Variants in WDR70 observed in about 807,000 individuals in gnomAD.
The protein encoded by WDR70 is WD repeat domain 70.
In WDR70, 53 loss-of-function variants were observed where a neutral mutation model predicts 88.6. That is an observed-to-expected ratio of 0.60 (90% CI 0.48 to 0.75). The LOEUF is 0.75. Ranked by LOEUF, WDR70 falls within the 30% of genes least tolerant of loss-of-function variation. The pLI is 0.00. For synonymous variants in WDR70, 280 were observed against 270.0 expected (o/e 1.04, Z -0.36); for missense variants, 610 against 823.2 (o/e 0.74, Z 3.17).
chr5:37,450,838 T>C (rs1232052902), intron 7 of WDR70, among the ~76,000 whole-genome samples: 4 of 152,130 alleles, frequency 2.6e-5, no homozygotes, highest in African/African-American at 9.7e-5. Flanking sequence ...TGTATATATT[T>C]ATGTGTGTGT....
chr5:37,431,536 T>C (rs1220689726), intron 5 of WDR70, among the ~76,000 whole-genome samples: 1 of 152,216 alleles, frequency 6.6e-6, no homozygotes, highest in East Asian at 1.9e-4. Context: ...GCCTTGATGA[T>C]TTTTTAATTA....
At chr5:37,560,075 A>G (rs968647005) in intron 9 of WDR70, among the ~76,000 whole-genome samples, 1 of 152,132 alleles carries the variant, frequency 6.6e-6, no homozygotes. Context: ...TAAAATTTTG[A>G]TATTTTAGTT....
At chr5:37,645,127 C>T (rs561000178) in intron 10 of WDR70, among the ~76,000 whole-genome samples, 1 of 149,890 alleles carries the variant, frequency 6.7e-6, no homozygotes, top group Non-Finnish European at 1.5e-5. Flanking sequence ...AAACGTTCCT[C>T]TTGGTACTGC....
chr5:37,727,022 T>C lies in WDR70; in HGVS notation c.1854T>C (p.Tyr618=), dbSNP rs373567572. The stretch of plus-strand genomic sequence containing the variant: ...CCAAAGCAGCAGAAGACAGCCCATA[T>C]TGGGTTTCTCCAGCATATTCCAAGT... ...RHAKAAEDSP[Y]WVSPAYSKTQ... The change falls in exon 17 of 18, where the codon TAT becomes TAC. Residue 618 remains tyrosine (Y), a synonymous_variant. Coordinates refer to ENST00000265107, the MANE Select transcript of WDR70 (RefSeq NM_018034.4). The C allele has an allele frequency of 2.5e-5, 40 of 1,609,694 alleles. No homozygotes were observed. The highest frequency in any genetic ancestry group is 3.2e-5 in the Non-Finnish European group (38 of 1,178,404).
At chr5:37,644,607 C>A (rs1421247391) in intron 10 of WDR70, among the ~76,000 whole-genome samples, 2 of 151,898 alleles carry the variant, frequency 1.3e-5, no homozygotes, top group African/African-American at 4.8e-5. Flanking sequence ...CCAGCAGGTC[C>A]CAGACTTTTC....
intron 5 of WDR70, among the ~76,000 whole-genome samples, chr5:37,417,897 G>C (rs1749811384): frequency 6.6e-6 from 1 of 152,122 alleles, no homozygotes; most frequent in Non-Finnish European, 1.5e-5. Flanking sequence ...GTAAACATCT[G>C]TCAATTTAGT....
chr5:37,608,770 G>A (rs867328451), intron 10 of WDR70, among the ~76,000 whole-genome samples: 1 of 151,930 alleles, frequency 6.6e-6, no homozygotes, highest in Non-Finnish European at 1.5e-5. Flanking sequence ...TGTAACCCAG[G>A]CTGGTCTTGA....
At chr5:37,487,595 A>C (rs915693141) in intron 8 of WDR70, among the ~76,000 whole-genome samples, 1 of 24,014 alleles carries the variant, frequency 4.2e-5, no homozygotes, top group Non-Finnish European at 1.6e-4. Context: ...GGGTATGTAT[A>C]TATAAATATA....
intron 10 of WDR70, among the ~76,000 whole-genome samples, chr5:37,694,840 TATAATA>T (rs34298664): frequency 8.7e-5 from 13 of 149,744 alleles, no homozygotes; most frequent in Non-Finnish European, 1.2e-4. Flanking sequence ...TAACTTAAAG[TATAATA>T]ATAATAATAA....
chr5:37,557,741 G>A (rs1742334105), intron 9 of WDR70, among the ~76,000 whole-genome samples: 1 of 151,758 alleles, frequency 6.6e-6, no homozygotes, highest in African/African-American at 2.4e-5. Flanking sequence ...TTTAACTCTG[G>A]TTCATGGTAA....
intron 7 of WDR70, 49 bp downstream of exon 7, chr5:37,443,421 C>T: frequency 4.4e-6 from 7 of 1,597,202 alleles, no homozygotes; most frequent in Non-Finnish European, 6.0e-6. Context: ...AATGTCTTCA[C>T]ATTGGAAGAC....
chr5:37,738,571 T>A (rs1164892229), intron 17 of WDR70, among the ~76,000 whole-genome samples: 1 of 152,184 alleles, frequency 6.6e-6, no homozygotes, highest in Non-Finnish European at 1.5e-5. Context: ...CTGTAATACT[T>A]TGAATCTCTC....
intron 17 of WDR70, among the ~76,000 whole-genome samples, chr5:37,750,209 C>T (rs1016220847): frequency 6.6e-6 from 1 of 152,010 alleles, no homozygotes; most frequent in Non-Finnish European, 1.5e-5. Flanking sequence ...CAACCTCCTA[C>T]GGATACTTTT....
intron 9 of WDR70, among the ~76,000 whole-genome samples, chr5:37,557,376 A>C (rs1292071902): frequency 6.6e-6 from 1 of 152,166 alleles, no homozygotes; most frequent in Non-Finnish European, 1.5e-5. Context: ...AATATGGACT[A>C]TTTATTTTTA....
intron 5 of WDR70, among the ~76,000 whole-genome samples, chr5:37,424,892 G>A (rs1055521126): frequency 6.6e-6 from 1 of 152,072 alleles, no homozygotes; most frequent in African/African-American, 2.4e-5. Flanking sequence ...ATACATCAGA[G>A]AACAAAACAG....
At chr5:37,581,075 T>C (rs73749071) in intron 9 of WDR70, among the ~76,000 whole-genome samples, 2,312 of 152,284 alleles carry the variant, frequency 0.015, 53 homozygotes, top group African/African-American at 0.053. Context: ...ATTGGAGACA[T>C]ATTCAGTTAA....
intron 7 of WDR70, among the ~76,000 whole-genome samples, chr5:37,475,662 T>A (rs1344773526): frequency 1.3e-5 from 2 of 152,048 alleles, no homozygotes; most frequent in African/African-American, 2.4e-5. Context: ...ATAAATAAAT[T>A]GTCTTTTTTA....
intron 10 of WDR70, among the ~76,000 whole-genome samples, chr5:37,615,417 G>C (rs1248996459): frequency 6.6e-6 from 1 of 152,100 alleles, no homozygotes; most frequent in Non-Finnish European, 1.5e-5. Context: ...TACTCACAGG[G>C]AATACAATAG....
intron 9 of WDR70, among the ~76,000 whole-genome samples, chr5:37,598,818 T>A (rs1259471772): frequency 6.6e-6 from 1 of 152,194 alleles, no homozygotes; most frequent in Non-Finnish European, 1.5e-5. Context: ...TAAAAAAGAT[T>A]TAAAAATAGA....
Sources: allele counts gnomAD v4.1 joint callset (sites outside exome capture counted in the v4.1 genomes callset), GRCh38; gene constraint gnomAD v4.1.1; transcripts MANE v1.5; gene names NCBI Gene and HGNC (gene_info 2026-07-23, HGNC 2026-07-21).